Variants in FXR1 observed in about 807,000 individuals in gnomAD.
The protein encoded by FXR1 is FMR1 autosomal homolog 1, also known as RNA-binding protein FXR1.
FXR1 carries 15 observed loss-of-function variants against 84.0 expected under a neutral mutation model. That is an observed-to-expected ratio of 0.18 (90% CI 0.12 to 0.27). The LOEUF is 0.27. Among genes scored for constraint, FXR1 ranks in the 10% least tolerant of loss-of-function variants. The pLI, the probability that FXR1 is intolerant of heterozygous loss-of-function variation, is 1.00. For missense variants in FXR1, 480 were observed against 774.4 expected (o/e 0.62, Z 4.51); for synonymous variants, 245 against 250.7 (o/e 0.98, Z 0.21).
At chr3:180,947,092 G>C (rs1328871187) in intron 3 of FXR1, among the ~76,000 whole-genome samples, 1 of 152,022 alleles carries the variant, frequency 6.6e-6, no homozygotes, top group South Asian at 2.1e-4. Flanking sequence ...TGCTCTAGGT[G>C]CCTAGGCTGG....
At chr3:180,930,694 A>G (rs1032590796) in intron 1 of FXR1, among the ~76,000 whole-genome samples, 1 of 152,162 alleles carries the variant, frequency 6.6e-6, no homozygotes, top group Non-Finnish European at 1.5e-5. Flanking sequence ...TAATACAGTT[A>G]TATTTGCTGG....
chr3:180,935,075 A>G (rs1186418080), intron 2 of FXR1, 63 bp from the exon 3 acceptor site: 5 of 706,974 alleles, frequency 7.1e-6, no homozygotes, highest in Non-Finnish European at 9.9e-6. Flanking sequence ...TTGAAAAAAT[A>G]TGCAACACCA....
rs767898698 is a variant in FXR1 at position 180,980,724 on chromosome 3, A to G, written c.*4432A>G. On this transcript the variant is annotated 3_prime_UTR_variant, in exon 17 of 17. Transcript: ENST00000357559. ...ACTGTTCTATTATTGGGTCAGGAAT[A>G]ATAGGTGACACAGGATAGAAGCTCT... 1 of 152,144 alleles carries G rather than the reference A, an allele frequency of 6.6e-6. No individual in the cohort carries two copies. The highest frequency in any genetic ancestry group is 3.4e-3 in the Middle Eastern group (1 of 294). 9.4% of individuals were successfully genotyped at this position (152,144 alleles called of 1,614,324 possible).
At chr3:180,946,097 GA>G (rs567818174) in intron 3 of FXR1, among the ~76,000 whole-genome samples, 184 of 152,222 alleles carry the variant, frequency 1.2e-3, no homozygotes, top group Middle Eastern at 6.8e-3. Flanking sequence ...AATTATGAGT[GA>G]AAAAAATTCA....
intron 15 of FXR1, among the ~76,000 whole-genome samples, chr3:180,973,853 A>G (rs1713888166): frequency 6.6e-6 from 1 of 152,200 alleles, no homozygotes; most frequent in Non-Finnish European, 1.5e-5. Flanking sequence ...ATGTTATTTC[A>G]TAATTAAGAA....
chr3:180,929,382 A>G lies in FXR1; in HGVS notation c.52-3952A>G, dbSNP rs1719617892. On this transcript the variant is annotated intron_variant, in intron 1 of 16. Transcript: ENST00000357559. ...TGGTTATTAATGATTATCTTAAATT[A>G]TAGTTAAGAGTTTCAAATGTAAACA... Among the ~76,000 whole-genome samples the G allele has an allele frequency of 2.6e-5, 4 of 152,188 alleles. No individual in the cohort carries two copies. In the South Asian group the frequency reaches 8.3e-4, roughly 31 times the overall value.
At chr3:180,930,895 G>A (rs563339936) in intron 1 of FXR1, among the ~76,000 whole-genome samples, 12 of 151,864 alleles carry the variant, frequency 7.9e-5, no homozygotes, top group Admixed American at 2.0e-4. Flanking sequence ...AAATTAGCTG[G>A]GTGTGGTGGT....
intron 3 of FXR1, among the ~76,000 whole-genome samples, chr3:180,944,214 A>G (rs1721443432): frequency 6.6e-6 from 1 of 152,010 alleles, no homozygotes; most frequent in South Asian, 2.1e-4. Context: ...CGCCCGGCCT[A>G]GAATATTCTT....
intron 15 of FXR1, 58 bp downstream of exon 15, chr3:180,970,416 ATAT>A (rs1713412285): frequency 7.0e-6 from 2 of 287,366 alleles, no homozygotes; most frequent in Non-Finnish European, 1.3e-5. Context: ...ATATATATAT[ATAT>A]ATAATTGTAA....
At position 180,982,493 on chromosome 3, in the gene FXR1, T is replaced by C. The variant is rs887932716; in HGVS notation, c.*6201T>C. 1.3e-5 allele frequency: 2 copies of C among 152,292 alleles called. No individual in the cohort carries two copies. Among genetic ancestry groups the C allele is most frequent in the Admixed American group, 6.5e-5 (1 of 15,280 alleles). The allele number at this position is 152,292 out of a possible 1,614,324, so 9.4% of individuals were successfully genotyped here. On this transcript the variant is annotated 3_prime_UTR_variant, in exon 17 of 17. Transcript: ENST00000357559. ...AAATGTGCTCTGCTGTGCTCCTTGG[T>C]ATTTTTAAGTGGTTTCCATTGTCTT...
intron 1 of FXR1, among the ~76,000 whole-genome samples, chr3:180,917,947 C>CAA (rs757826092): frequency 0.16 from 9,713 of 60,618 alleles, 666 homozygotes; most frequent in South Asian, 0.22. Context: ...ACTCTGTCTC[C>CAA]AAAAAAAAAA....
chr3:180,956,833 G>T (rs779201409), intron 9 of FXR1, among the ~76,000 whole-genome samples: 1 of 152,036 alleles, frequency 6.6e-6, no homozygotes, highest in Non-Finnish European at 1.5e-5. Flanking sequence ...TACTGTTGTC[G>T]TTCTTATTCA....
chr3:180,912,859 G>A, intron 1 of FXR1, 123 bp downstream of exon 1: 2 of 1,556,520 alleles, frequency 1.3e-6, no homozygotes, highest in South Asian at 2.2e-5. Context: ...GCTCGAGGCC[G>A]CTGGATTCCT....
chr3:180,982,252 A>T lies in FXR1; in HGVS notation c.*5960A>T, dbSNP rs1271050695. Reference sequence around the variant, plus strand: ...AGTGCTAGTACACTGTAAGTACTCAAATGTTACAGATCCAAGTATTTTGTA... The same window carrying T: ...AGTGCTAGTACACTGTAAGTACTCATATGTTACAGATCCAAGTATTTTGTA... On this transcript the variant is annotated 3_prime_UTR_variant, in exon 17 of 17. Coordinates refer to ENST00000357559, the MANE Select transcript of FXR1 (RefSeq NM_005087.4). 6.6e-6 allele frequency: 1 copy of T among 152,112 alleles called. No homozygotes were observed. The highest frequency in any genetic ancestry group is 2.4e-5 in the African/African-American group (1 of 41,450). The allele number at this position is 152,112 out of a possible 1,614,324, so 9.4% of individuals were successfully genotyped here. A position where few individuals can be genotyped will look rare whatever the true frequency, so the allele number is the denominator to read the frequency against.
Position 180,970,278 on chromosome 3 carries a change from G to C in FXR1, c.1523G>C (p.Arg508Thr), listed in dbSNP as rs1713358358. ...HSTNRRRRSR[R>T]RRTDEDAVLM... is the part of the protein sequence containing the mutation. Reference sequence around the variant, plus strand: ...ACTAACCGTCGTAGGCGGTCTCGTAGACGAAGGACTGATGAAGATGCTGTT... The same window carrying C: ...ACTAACCGTCGTAGGCGGTCTCGTACACGAAGGACTGATGAAGATGCTGTT... Residue 508 changes from arginine to threonine, a missense_variant, in exon 15 of 17, where the codon AGA becomes ACA. Coordinates refer to ENST00000357559, the MANE Select transcript of FXR1 (RefSeq NM_005087.4). The C allele has an allele frequency of 6.2e-7, 1 of 1,605,288 alleles. No individual in the cohort carries two copies.
chr3:180,955,780 A>G (rs1274504243), intron 9 of FXR1, among the ~76,000 whole-genome samples: 4 of 152,312 alleles, frequency 2.6e-5, no homozygotes, highest in South Asian at 2.1e-4. Flanking sequence ...GTTGTGAGTA[A>G]AAGTTTCTGA....
rs551186465 is a variant in FXR1, at chr3:180,977,378, T to C, written c.*1086T>C. 4 of 152,160 alleles carry C rather than the reference T, an allele frequency of 2.6e-5. No homozygotes were observed. Among genetic ancestry groups the C allele is most frequent in the African/African-American group, 9.6e-5 (4 of 41,496 alleles). The allele number at this position is 152,160 out of a possible 1,614,324, so 9.4% of individuals were successfully genotyped here. ...ATGCATAGGTAATTAATAATACATGTGATAATTAGCAAAAAAACCTAACAA... is the reference window on the plus strand; with the variant it reads ...ATGCATAGGTAATTAATAATACATGCGATAATTAGCAAAAAAACCTAACAA... On this transcript the variant is annotated 3_prime_UTR_variant, in exon 17 of 17. Transcript: ENST00000357559.
chr3:180,951,109 A>G (rs147439919), intron 7 of FXR1, among the ~76,000 whole-genome samples, 189 bp from the exon 8 acceptor site: 8 of 151,752 alleles, frequency 5.3e-5, no homozygotes, highest in South Asian at 2.1e-4. Flanking sequence ...TGTATTTCCA[A>G]CTATTCAGGA....
rs747510213 is a variant in FXR1, at chr3:180,970,381, G to GAAATAAAT, written c.1603+28_1603+29insAATAAATA. On this transcript the variant is annotated intron_variant, in intron 15 of 16. Transcript: ENST00000357559. ...TAGGTATGTAAGCACTTAGGGAAGA[G>GAAATAAAT]AAATATATATATATATATATATATA... The GAAATAAAT allele has an allele frequency of 6.3e-6, 3 of 474,544 alleles. No individual in the cohort carries two copies. The African/African-American group carries it at 1.0e-4, about 16-fold the overall frequency. The allele number at this position is 474,544 out of a possible 1,614,324, so 29.4% of individuals were successfully genotyped here. A position where few individuals can be genotyped will look rare whatever the true frequency, so the allele number is the denominator to read the frequency against.
Sources: gnomAD v4.1 joint callset for allele counts (sites outside exome capture counted in the v4.1 genomes callset) on GRCh38, gnomAD v4.1.1 for gene constraint, MANE v1.5 for transcripts, NCBI Gene and HGNC (gene_info 2026-07-23, HGNC 2026-07-21) for gene names.